The following TPGS2 variants were observed in gnomAD, a reference collection of about 807,000 sequenced individuals.
TPGS2 encodes polyglutamylase subunit 2.
TPGS2 carries 26 observed loss-of-function variants against 31.1 expected under a neutral mutation model. That is an observed-to-expected ratio of 0.84 (90% CI 0.61 to 1.16). The LOEUF is 1.16. Ranked by LOEUF, TPGS2 falls within the 50% of genes most tolerant of loss-of-function variation. The pLI, the probability that TPGS2 is intolerant of heterozygous loss-of-function variation, is 0.00. For missense variants in TPGS2, 351 were observed against 363.8 expected, an observed-to-expected ratio of 0.96 and a Z score of 0.29; for synonymous variants, 130 against 136.6, an observed-to-expected ratio of 0.95 and a Z score of 0.34.
chr18:36,795,017 A>ATAT lies in TPGS2; in HGVS notation c.*1785_*1787dup, dbSNP rs2044462776. ...TGCTCCCAAAGACTCTTAAGCGCTG[A>ATAT]TATTTCAAGACTTTGAACTATTACA... is the stretch of plus-strand genomic sequence containing the variant. On this transcript the variant is annotated 3_prime_UTR_variant, in exon 7 of 7. Transcript: ENST00000334295. 1 of 985,442 alleles carries ATAT rather than the reference A, an allele frequency of 1.0e-6. No individual in the cohort carries two copies. Among genetic ancestry groups the ATAT allele is most frequent in the Non-Finnish European group, 1.2e-6 (1 of 829,940 alleles). The allele number at this position is 985,442 out of a possible 1,614,324, so 61.0% of individuals were successfully genotyped here. A position where few individuals can be genotyped will look rare whatever the true frequency, so the allele number is the denominator to read the frequency against.
chr18:36,811,940 T>G (rs1158165399), intron 2 of TPGS2, among the ~76,000 whole-genome samples: 1 of 152,210 alleles, frequency 6.6e-6, no homozygotes, highest in Admixed American at 6.5e-5. Context: ...GAGATGGCAA[T>G]GTGTCCTATT....
intron 2 of TPGS2, 140 bp downstream of exon 2, chr18:36,818,754 G>T: frequency 1.3e-6 from 1 of 742,562 alleles, no homozygotes; most frequent in Non-Finnish European, 2.2e-6. Flanking sequence ...GGGCTGAACA[G>T]GAACATAGAA....
Position 36,800,242 on chromosome 18 carries a change from T to A in TPGS2, c.452A>T (p.Asn151Ile), listed in dbSNP as rs199516988. The change falls in exon 5 of 7, where the codon AAT (asparagine) becomes ATT (isoleucine). Residue 151 changes from asparagine (N) to isoleucine (I), a missense_variant. By Grantham distance (149) the Asn-to-Ile change is moderately radical. Coordinates refer to ENST00000334295, the MANE Select transcript of TPGS2 (RefSeq NM_015476.4). ...GACAAGGCAAACTTTCCCACTGCCA[T>A]TGCATGAATCCAGCTCAAATATCAC... ...RSVIFELDSCNGSGKVCLVYK... is the reference protein window; with the variant it reads ...RSVIFELDSCIGSGKVCLVYK... The A allele has an allele frequency of 6.2e-6, 10 of 1,614,034 alleles. No individual in the cohort carries two copies. The highest frequency in any genetic ancestry group is 8.5e-6 in the Non-Finnish European group (10 of 1,180,014).
chr18:36,813,896 C>T (rs2045541192), intron 2 of TPGS2, among the ~76,000 whole-genome samples: 1 of 152,140 alleles, frequency 6.6e-6, no homozygotes, highest in African/African-American at 2.4e-5. Flanking sequence ...GAGGGGGTCA[C>T]TAGTCACATG....
chr18:36,781,529 G>C (rs997296009), downstream of TPGS2, among the ~76,000 whole-genome samples: 2 of 152,136 alleles, frequency 1.3e-5, no homozygotes, highest in African/African-American at 2.4e-5. Context: ...GCACATCCCT[G>C]TAATCCCAGT....
At chr18:36,781,751 CA>C, downstream of TPGS2, 1 of 985,270 alleles carries the variant, frequency 1.0e-6, no homozygotes, top group South Asian at 4.7e-5. Context: ...ATATTTTCCC[CA>C]TAGGCCTCTG....
At position 36,796,934 on chromosome 18, in the gene TPGS2, G is replaced by T. The variant is rs140424791; in HGVS notation, c.774C>A (p.Ile258=). The change falls in exon 7 of 7, where the codon ATC becomes ATA. Residue 258 remains isoleucine, a synonymous_variant. Coordinates refer to ENST00000334295, the MANE Select transcript of TPGS2 (RefSeq NM_015476.4). ...PSKVFKSKNK[I]VIPKKKGPVQ... ...CAGGCCCTTTCTTTTTTGGGATTAC[G>T]ATCTTGTTCTTGCTCTTAAACACTT... 4 of 1,608,610 alleles carry T rather than the reference G, an allele frequency of 2.5e-6. No individual in the cohort carries two copies. In the East Asian group the frequency reaches 6.7e-5, roughly 27 times the overall value.
intron 1 of TPGS2, among the ~76,000 whole-genome samples, chr18:36,820,029 G>A (rs188753493): frequency 6.6e-6 from 1 of 152,176 alleles, no homozygotes; most frequent in Non-Finnish European, 1.5e-5. Flanking sequence ...ATCATTTTAT[G>A]TGGTTCACTG....
intron 4 of TPGS2, 67 bp from the exon 5 acceptor site, chr18:36,800,378 A>T: frequency 7.4e-7 from 1 of 1,358,976 alleles, no homozygotes; most frequent in South Asian, 1.2e-5. Flanking sequence ...TATATATCCA[A>T]CTTTGCTAGG....
At chr18:36,793,623 C>G (rs145129625), downstream of TPGS2, among the ~76,000 whole-genome samples, 172 of 152,260 alleles carry the variant, frequency 1.1e-3, 1 homozygote, top group African/African-American at 4.0e-3. Context: ...TACAGTGTTT[C>G]TACTGTTGTG....
chr18:36,803,045 G>A (rs1033970519), intron 4 of TPGS2, among the ~76,000 whole-genome samples: 1 of 151,804 alleles, frequency 6.6e-6, no homozygotes, highest in Non-Finnish European at 1.5e-5. Flanking sequence ...AGAACAACAC[G>A]CTATTTTAAG....
chr18:36,805,452 T>A lies in TPGS2; in HGVS notation c.304A>T (p.Thr102Ser), dbSNP rs773178578. The stretch of plus-strand genomic sequence containing the variant: ...TACATGGAAGACTGGGTGAGCTGAG[T>A]CAGTTTTGAGATGCTGTTAATTGCC... ...SMAINSISKL[T>S]QLTQSSMYSL... The change falls in exon 4 of 7, where the codon ACT becomes TCT. Residue 102 changes from threonine (T) to serine (S), a missense_variant. Coordinates refer to ENST00000334295, the MANE Select transcript of TPGS2 (RefSeq NM_015476.4). 2 of 1,613,928 alleles carry A rather than the reference T, an allele frequency of 1.2e-6. No individual in the cohort carries two copies. Among genetic ancestry groups the A allele is most frequent in the Non-Finnish European group, 1.7e-6 (2 of 1,179,920 alleles).
rs994626834 is a variant in TPGS2 at position 36,805,312 on chromosome 18, C to T, written c.382+62G>A. On this transcript the variant is annotated intron_variant, in intron 4 of 6. Transcript: ENST00000334295. ...TGCACCAAGATTCATTAAGTACCTA[C>T]TATGCGCCAGGCATGGAGCTGGATG... 12 of 1,579,566 alleles carry T rather than the reference C, an allele frequency of 7.6e-6. No homozygotes were observed. The African/African-American group carries it at 1.1e-4, about 14-fold the overall frequency.
rs756131832 is a variant in TPGS2, at chr18:36,795,077, A to G, written c.*1728T>C. 4.1e-5 allele frequency: 40 copies of G among 985,338 alleles called. No homozygotes were observed. In the African/African-American group the frequency reaches 6.6e-4, roughly 16 times the overall value. The allele number at this position is 985,338 out of a possible 1,614,324, so 61.0% of individuals were successfully genotyped here. Reference sequence around the variant, plus strand: ...AAGCAGCCAGTTAGAGCTTGCCCTGATCCTTGAAGGCTAACTCTTCACCTT... The same window carrying G: ...AAGCAGCCAGTTAGAGCTTGCCCTGGTCCTTGAAGGCTAACTCTTCACCTT... On this transcript the variant is annotated 3_prime_UTR_variant, in exon 7 of 7. Transcript: ENST00000334295.
Position 36,828,756 on chromosome 18 carries a change from C to G in TPGS2, c.12G>C (p.Glu4Asp). MEE[E>D]ASSPGLGCSK... ...TGCAGCCCAGCCCCGGGGACGATGC[C>G]TCCTCCTCCATGGCTCGCGACCGCG... Residue 4 changes from glutamate (E) to aspartate (D), a missense_variant, in exon 1 of 7, where the codon GAG (glutamate) becomes GAC (aspartate). Physicochemically the swap from Glu to Asp is conservative, Grantham distance 45. Coordinates refer to ENST00000334295, the MANE Select transcript of TPGS2 (RefSeq NM_015476.4). 1.2e-6 allele frequency: 2 copies of G among 1,613,804 alleles called. No individual in the cohort carries two copies. Among genetic ancestry groups the G allele is most frequent in the Non-Finnish European group, 1.7e-6 (2 of 1,179,922 alleles).
chr18:36,803,700 T>A (rs544581161), intron 4 of TPGS2, among the ~76,000 whole-genome samples: 1 of 152,316 alleles, frequency 6.6e-6, no homozygotes, highest in South Asian at 2.1e-4. Context: ...AAGATATTTC[T>A]TGCACTTGAT....
intron 3 of TPGS2, among the ~76,000 whole-genome samples, chr18:36,806,501 A>G (rs2045140269): frequency 6.6e-6 from 1 of 152,170 alleles, no homozygotes; most frequent in Non-Finnish European, 1.5e-5. Context: ...TTCTAAGCCA[A>G]AGGAGGAAAT....
intron 6 of TPGS2, chr18:36,787,205 C>T: frequency 9.4e-7 from 1 of 1,063,116 alleles, no homozygotes; most frequent in Non-Finnish European, 1.2e-6. Flanking sequence ...GCCTTGTGTT[C>T]CTCTGTGTCA....
Position 36,795,461 on chromosome 18 carries a change from G to C in TPGS2, c.*1344C>G. 1 of 985,394 alleles carries C rather than the reference G, an allele frequency of 1.0e-6. No individual in the cohort carries two copies. The highest frequency in any genetic ancestry group is 1.2e-6 in the Non-Finnish European group (1 of 829,946). 61.0% of individuals were successfully genotyped at this position (985,394 alleles called of 1,614,324 possible). A position where few individuals can be genotyped will look rare whatever the true frequency, so the allele number is the denominator to read the frequency against. ...CTGGGACTTCAGTACAAAAACTGCA[G>C]CCACCCAAAGAACTTGGGGCTAGGT... On this transcript the variant is annotated 3_prime_UTR_variant, in exon 7 of 7. Transcript: ENST00000334295.
Sources: allele counts gnomAD v4.1 joint callset (sites outside exome capture counted in the v4.1 genomes callset), GRCh38; gene constraint gnomAD v4.1.1; transcripts MANE v1.5; gene names NCBI Gene and HGNC (gene_info 2026-07-23, HGNC 2026-07-21).